The following CAP2 variants were observed in gnomAD, a reference collection of about 807,000 sequenced individuals.
CAP2 encodes adenylyl cyclase-associated protein 2.
In CAP2, 24 loss-of-function variants were observed where a neutral mutation model predicts 57.7. The ratio of observed to expected loss-of-function variants is 0.42; its 90% confidence interval spans 0.30 to 0.58. CAP2 has a LOEUF of 0.58. Among genes scored for constraint, CAP2 ranks in the 20% least tolerant of loss-of-function variants. The pLI, the probability that CAP2 is intolerant of heterozygous loss-of-function variation, is 0.22. For missense variants in CAP2, 501 were observed against 590.3 expected (o/e 0.85, Z 1.57); for synonymous variants, 194 against 207.2 (o/e 0.94, Z 0.55).
At chr6:17,404,641 C>T (rs1391948496) in intron 1 of CAP2, among the ~76,000 whole-genome samples, 5 of 146,262 alleles carry the variant, frequency 3.4e-5, no homozygotes, top group Admixed American at 2.1e-4. Flanking sequence ...CTTGGTGGCA[C>T]GCACCTGTAA....
At chr6:17,411,005 T>A (rs1302728597) in intron 1 of CAP2, among the ~76,000 whole-genome samples, 1 of 152,138 alleles carries the variant, frequency 6.6e-6, no homozygotes, top group Non-Finnish European at 1.5e-5. Context: ...TCTCTATAGA[T>A]TAGCCTTTCC....
chr6:17,407,778 C>CAAAAA (rs60480016), intron 1 of CAP2, among the ~76,000 whole-genome samples: 5 of 69,340 alleles, frequency 7.2e-5, no homozygotes, highest in Non-Finnish European at 8.5e-5. Context: ...GACTCGGTCT[C>CAAAAA]AAAAAAAAAA....
Position 17,517,459 on chromosome 6 carries a change from G to T in CAP2, c.636+3505G>T, listed in dbSNP as rs186686751. Reference sequence around the variant, plus strand: ...TTGTTCTAAAGTGAATACTTATTATGTTCAAGCTTCACAAAACAATACTTG... The same window carrying T: ...TTGTTCTAAAGTGAATACTTATTATTTTCAAGCTTCACAAAACAATACTTG... On this transcript the variant is annotated intron_variant, in intron 7 of 12. Transcript: ENST00000229922. 8.1e-3 allele frequency among the ~76,000 whole-genome samples: 1,227 copies of T among 152,272 alleles called. 19 individuals are homozygous for T. Among genetic ancestry groups the T allele is most frequent in the African/African-American group, 0.027 (1,142 of 41,556 alleles).
intron 1 of CAP2, among the ~76,000 whole-genome samples, chr6:17,407,863 GC>G (rs1410616443): frequency 1.3e-5 from 2 of 151,914 alleles, no homozygotes; most frequent in Non-Finnish European, 2.9e-5. Flanking sequence ...GCAAAAGGGG[GC>G]TGGAGGAATG....
In CAP2 at chr6:17,432,714, C is replaced by T. The variant is rs935779706; in HGVS notation, c.222+6024C>T. ...CATCTATTCCAGTTATCCACCCCTC[C>T]ACCCCCTTGCTTGCTTGCTTTTCTT... On this transcript the variant is annotated intron_variant, in intron 3 of 12. Transcript: ENST00000229922. Among the ~76,000 whole-genome samples, 4 of 72,012 alleles carry T rather than the reference C, an allele frequency of 5.6e-5. No individual in the cohort carries two copies. In the Admixed American group the frequency reaches 7.4e-4, roughly 13 times the overall value. The allele number at this position is 72,012 out of a possible 152,430, so 47.2% of individuals were successfully genotyped here. A position where few individuals can be genotyped will look rare whatever the true frequency, so the allele number is the denominator to read the frequency against.
At chr6:17,473,276 T>C (rs1761068999) in intron 4 of CAP2, among the ~76,000 whole-genome samples, 1 of 152,220 alleles carries the variant, frequency 6.6e-6, no homozygotes, top group South Asian at 2.1e-4. Flanking sequence ...ACATAAATGA[T>C]AAAACTGTGT....
intron 11 of CAP2, among the ~76,000 whole-genome samples, chr6:17,543,414 G>C (rs1762955952): frequency 6.6e-6 from 1 of 152,004 alleles, no homozygotes; most frequent in African/African-American, 2.4e-5. Flanking sequence ...TCAGGAGATT[G>C]AGACCATCCT....
intron 3 of CAP2, among the ~76,000 whole-genome samples, chr6:17,430,184 C>T (rs1428233957): frequency 6.6e-6 from 1 of 152,134 alleles, no homozygotes; most frequent in Non-Finnish European, 1.5e-5. Flanking sequence ...AGCCTATTGA[C>T]AGAACAGACC....
intron 2 of CAP2, among the ~76,000 whole-genome samples, chr6:17,423,941 C>T (rs1214210215): frequency 6.6e-6 from 1 of 152,090 alleles, no homozygotes; most frequent in African/African-American, 2.4e-5. Flanking sequence ...TTTACTAATC[C>T]TAAACAACAC....
At chr6:17,494,404 T>C (rs1373068193) in intron 4 of CAP2, among the ~76,000 whole-genome samples, 1 of 152,108 alleles carries the variant, frequency 6.6e-6, no homozygotes, top group Non-Finnish European at 1.5e-5. Context: ...TGGAGGCACA[T>C]TCCTACCTCA....
At chr6:17,537,361 T>A (rs1762798587) in intron 7 of CAP2, among the ~76,000 whole-genome samples, 1 of 152,138 alleles carries the variant, frequency 6.6e-6, no homozygotes, top group Admixed American at 6.5e-5. Flanking sequence ...TAATTTTTTG[T>A]ATTTTTTGTA....
chr6:17,534,926 C>T (rs949040897), intron 7 of CAP2, among the ~76,000 whole-genome samples: 1 of 152,234 alleles, frequency 6.6e-6, no homozygotes, highest in South Asian at 2.1e-4. Flanking sequence ...CATGTACCCC[C>T]CTACTGCAAC....
At chr6:17,471,305 C>T (rs771235888) in intron 4 of CAP2, among the ~76,000 whole-genome samples, 4 of 152,138 alleles carry the variant, frequency 2.6e-5, no homozygotes, top group Non-Finnish European at 5.9e-5. Flanking sequence ...TTGTCAAGGG[C>T]CATATGACAG....
In CAP2 at chr6:17,539,348, C is replaced by T; in HGVS notation, c.716C>T (p.Pro239Leu). The T allele has an allele frequency of 1.9e-6, 3 of 1,614,114 alleles. No homozygotes were observed. The change falls in exon 8 of 13, where the codon CCT becomes CTT. Residue 239 changes from proline to leucine, a missense_variant. Transcript: ENST00000229922. ...CTTCCTCCACCCCCTCCTCCTCTGC[C>T]TCCTCCAGGGCCACCTCCACTTTTC... ...PGLPPPPPPLPPPGPPPLFEN... is the reference protein window; with the variant it reads ...PGLPPPPPPLLPPGPPPLFEN...
intron 12 of CAP2, 80 bp downstream of exon 12, chr6:17,551,684 A>G (rs1763174881): frequency 1.8e-6 from 2 of 1,095,902 alleles, no homozygotes; most frequent in Non-Finnish European, 2.6e-6. Flanking sequence ...TTAATCAGCT[A>G]CCAACCTGCG....
At chr6:17,524,999 C>A (rs943353942) in intron 7 of CAP2, among the ~76,000 whole-genome samples, 2 of 150,140 alleles carry the variant, frequency 1.3e-5, no homozygotes, top group Admixed American at 1.3e-4. Flanking sequence ...CGTGTTCAAG[C>A]GATTCTCCTG....
chr6:17,401,746 C>T (rs1758822062), intron 1 of CAP2, among the ~76,000 whole-genome samples: 1 of 152,102 alleles, frequency 6.6e-6, no homozygotes, highest in African/African-American at 2.4e-5. Flanking sequence ...TTTTATTTCT[C>T]CTCCATTTGA....
At chr6:17,546,388 G>T (rs866931311) in intron 11 of CAP2, among the ~76,000 whole-genome samples, 1 of 152,154 alleles carries the variant, frequency 6.6e-6, no homozygotes, top group Non-Finnish European at 1.5e-5. Context: ...TTTTGATGGG[G>T]TTGTTTGTTT....
intron 4 of CAP2, among the ~76,000 whole-genome samples, chr6:17,498,815 G>A (rs1345854769): frequency 6.6e-6 from 1 of 151,878 alleles, no homozygotes; most frequent in Non-Finnish European, 1.5e-5. Context: ...CGCAAGCTCC[G>A]CCTCCTGGGT....
Sources: gnomAD v4.1 joint callset for allele counts (sites outside exome capture counted in the v4.1 genomes callset) on GRCh38, gnomAD v4.1.1 for gene constraint, MANE v1.5 for transcripts, NCBI Gene and HGNC (gene_info 2026-07-23, HGNC 2026-07-21) for gene names.